The following FAM163B variants were observed in gnomAD, a reference collection of about 807,000 sequenced individuals.
FAM163B encodes the protein protein FAM163B.
A neutral mutation model predicts 7.6 loss-of-function variants in FAM163B; 4 were observed. That is an observed-to-expected ratio of 0.52 (90% CI 0.26 to 1.20). FAM163B has a LOEUF of 1.20. FAM163B is among the 50% of genes most tolerant of loss of function. The pLI, the probability that FAM163B is intolerant of heterozygous loss-of-function variation, is 0.14. For missense variants in FAM163B, 250 were observed against 243.0 expected (o/e 1.03, Z -0.19); for synonymous variants, 120 against 111.6 (o/e 1.07, Z -0.47).
chr9:133,603,903 G>A (rs1831759894), intron 1 of FAM163B, among the ~76,000 whole-genome samples: 1 of 152,206 alleles, frequency 6.6e-6, no homozygotes, highest in African/African-American at 2.4e-5. Flanking sequence ...GCAGTGGTGT[G>A]ATCTTGGCTC....
rs1032784615 is a variant in FAM163B, at chr9:133,600,941, G to A, written c.-24+8136C>T. Among the ~76,000 whole-genome samples, 3 of 151,980 alleles carry A rather than the reference G, an allele frequency of 2.0e-5. No individual in the cohort carries two copies. Among genetic ancestry groups the A allele is most frequent in the Non-Finnish European group, 2.9e-5 (2 of 68,002 alleles). On this transcript the variant is annotated intron_variant, in intron 1 of 2. Transcript: ENST00000673969. This position sits in a 1 kb window ranked among gnomAD's most constrained non-coding sequence, Gnocchi z 4.9. ...GGTAGGGGGGGAGCTTCATTGCCTC[G>A]AGTTCCTGGCTGAACTCCAGACATT...
At chr9:133,585,512 G>A (rs938957151) in intron 1 of FAM163B, among the ~76,000 whole-genome samples, 5 of 152,348 alleles carry the variant, frequency 3.3e-5, no homozygotes, top group South Asian at 2.1e-4. Flanking sequence ...GGGCCCAGGC[G>A]ACGCTTAATG....
intron 1 of FAM163B, among the ~76,000 whole-genome samples, chr9:133,593,756 C>T (rs1303515895): frequency 6.6e-6 from 1 of 152,270 alleles, no homozygotes; most frequent in Non-Finnish European, 1.5e-5. Flanking sequence ...CTGCCTCATC[C>T]TGGCCCAGGG....
chr9:133,579,233 C>A lies in FAM163B; in HGVS notation c.290G>T (p.Cys97Phe). 1.1e-5 allele frequency: 18 copies of A among 1,611,908 alleles called. No individual in the cohort carries two copies. The highest frequency in any genetic ancestry group is 1.5e-5 in the Non-Finnish European group (18 of 1,179,742). The stretch of plus-strand genomic sequence containing the variant: ...CTGCAGGAAGAAGGTGGGGGGCTCG[C>A]AGTGGGAGCAGCTGCGGCAGAGGGC... ...ARALCRSCSH[C>F]EPPTFFLQEP... Residue 97 changes from cysteine to phenylalanine, a missense_variant, in exon 3 of 3, where the codon TGC becomes TTC. Coordinates refer to ENST00000673969, the MANE Select transcript of FAM163B (RefSeq NM_001080515.3).
intron 1 of FAM163B, among the ~76,000 whole-genome samples, chr9:133,599,556 ATG>A (rs879306040): frequency 8.0e-5 from 12 of 149,650 alleles, no homozygotes; most frequent in South Asian, 2.1e-4. Flanking sequence ...GAGTGTGTGC[ATG>A]TGTTTCTGTG....
In FAM163B at chr9:133,606,722, G is replaced by A. The variant is rs1171851438; in HGVS notation, c.-24+2355C>T. 1.3e-5 allele frequency among the ~76,000 whole-genome samples: 2 copies of A among 152,240 alleles called. No homozygotes were observed. Among genetic ancestry groups the A allele is most frequent in the African/African-American group, 4.8e-5 (2 of 41,458 alleles). ...AAGTGGCGGTAGGGCCAGGAGCGGA[G>A]TGGAGGACAGAACAAGGGCTCGGCT... On this transcript the variant is annotated intron_variant, in intron 1 of 2. Transcript: ENST00000673969. The surrounding 1 kb of genome is among the most constrained non-coding windows in gnomAD (Gnocchi z 4.0).
chr9:133,588,611 GC>G (rs1193887331), intron 1 of FAM163B, among the ~76,000 whole-genome samples: 1 of 121,062 alleles, frequency 8.3e-6, no homozygotes, highest in Non-Finnish European at 1.8e-5. Context: ...GATCTAGGAT[GC>G]TGAAGGATCT....
chr9:133,585,259 A>G (rs1831417602), intron 1 of FAM163B, among the ~76,000 whole-genome samples: 1 of 152,202 alleles, frequency 6.6e-6, no homozygotes, highest in East Asian at 1.9e-4. Context: ...GCAGAGCCAG[A>G]CACGGGCCTC....
chr9:133,604,630 C>G (rs1003620160), intron 1 of FAM163B, among the ~76,000 whole-genome samples: 2 of 152,086 alleles, frequency 1.3e-5, no homozygotes, highest in Admixed American at 1.3e-4. Context: ...TTGCTTTATG[C>G]AAATAGAACC....
rs1015989335 is a variant in FAM163B, at chr9:133,583,835, C to T, written c.-23-3589G>A. Among the ~76,000 whole-genome samples, 191 of 152,366 alleles carry T rather than the reference C, an allele frequency of 1.3e-3. 1 individual carries two copies. The highest frequency in any genetic ancestry group is 4.3e-3 in the African/African-American group (177 of 41,584). On this transcript the variant is annotated intron_variant, in intron 1 of 2. Coordinates refer to ENST00000673969, the MANE Select transcript of FAM163B (RefSeq NM_001080515.3). ...CTCTCAGCCTCGCTCTGCAGATACA[C>T]GCCTGCCGAGGAGCAGCAACGCCCG...
rs1564197291 is a variant in FAM163B, at chr9:133,600,150, A to T, written c.-24+8927T>A. On this transcript the variant is annotated intron_variant, in intron 1 of 2. Coordinates refer to ENST00000673969, the MANE Select transcript of FAM163B (RefSeq NM_001080515.3). This position sits in a 1 kb window ranked among gnomAD's most constrained non-coding sequence, Gnocchi z 4.9. ...TGTGTCTGTGTGCGTGTGTGAATGT[A>T]TGTGTGCATGAGTGTGAGTCTGTGT... Among the ~76,000 whole-genome samples, 1 of 137,092 alleles carries T rather than the reference A, an allele frequency of 7.3e-6. No individual in the cohort carries two copies. Among genetic ancestry groups the T allele is most frequent in the Non-Finnish European group, 1.5e-5 (1 of 65,006 alleles). The allele number at this position is 137,092 out of a possible 152,430, so 89.9% of individuals were successfully genotyped here.
chr9:133,579,372 CG>C lies in FAM163B; in HGVS notation c.150del (p.Val51PhefsTer16). On this transcript the variant is annotated frameshift_variant, in exon 3 of 3. Transcript: ENST00000673969. LOFTEE classifies it high-confidence loss of function. Reference protein sequence around the residue: ...SEEDEEEPDFAVHSHLPPLHS... With the variant: ...SEEDEEEPDFXVHSHLPPLHS... ...TGCAGCGGGGGCAGGTGCGAGTGAA[CG>C]GCGAAGTCTGGTTCCTCCTCGTCCT... 6.2e-7 allele frequency: 1 copy of C among 1,611,958 alleles called. No individual in the cohort carries two copies. Among genetic ancestry groups the C allele is most frequent in the Non-Finnish European group, 8.5e-7 (1 of 1,179,442 alleles).
chr9:133,600,259 CTGTGTG>C lies in FAM163B; in HGVS notation c.-24+8812_-24+8817del, dbSNP rs3074996. ...CTGTGTGCATGTGTGTGAGTGTGGT[CTGTGTG>C]TGTGTGTGTGTGTGTGTGTGTGTGT... On this transcript the variant is annotated intron_variant, in intron 1 of 2. Transcript: ENST00000673969. This position sits in a 1 kb window ranked among gnomAD's most constrained non-coding sequence, Gnocchi z 4.9. 0.026 allele frequency among the ~76,000 whole-genome samples: 3,841 copies of C among 146,558 alleles called. 105 individuals carry two copies. Among genetic ancestry groups the C allele is most frequent in the African/African-American group, 0.058 (2,295 of 39,910 alleles).
intron 1 of FAM163B, among the ~76,000 whole-genome samples, chr9:133,590,131 TCCCCTC>T (rs1183843742): frequency 0.088 from 2,565 of 29,048 alleles, 399 homozygotes; most frequent in African/African-American, 0.2. Flanking sequence ...CCCCTCCCCT[TCCCCTC>T]CCCTTCCCCT....
intron 1 of FAM163B, among the ~76,000 whole-genome samples, chr9:133,598,873 G>A (rs1347982014): frequency 1.3e-5 from 2 of 152,134 alleles, no homozygotes; most frequent in African/African-American, 4.8e-5. Flanking sequence ...CTGTCCCCCA[G>A]GGCTCCTTTC....
In FAM163B at chr9:133,579,078, G is replaced by C. The variant is rs1323947847; in HGVS notation, c.445C>G (p.Leu149Val). The C allele has an allele frequency of 1.9e-6, 3 of 1,587,010 alleles. No individual in the cohort carries two copies. The highest frequency in any genetic ancestry group is 2.3e-5 in the East Asian group (1 of 44,322). ...GCGAAGGCCTCCCGCATGGCTGAGAGGCGGTTGGGGTTGAGCGCCTGCAGG... is the reference window on the plus strand; with the variant it reads ...GCGAAGGCCTCCCGCATGGCTGAGACGCGGTTGGGGTTGAGCGCCTGCAGG... ...GGLQALNPNR[L>V]SAMREAFARS... The change falls in exon 3 of 3, where the codon CTC (leucine) becomes GTC (valine). Residue 149 changes from leucine to valine, a missense_variant. By Grantham distance (32) the Leu-to-Val change is conservative. Transcript: ENST00000673969.
chr9:133,587,974 G>A (rs1244354698), intron 1 of FAM163B, among the ~76,000 whole-genome samples: 4 of 149,602 alleles, frequency 2.7e-5, no homozygotes, highest in Non-Finnish European at 5.9e-5. Context: ...CGAACGGGGG[G>A]CGAGCCTGGG....
intron 1 of FAM163B, among the ~76,000 whole-genome samples, chr9:133,593,529 C>T (rs1032734806): frequency 3.3e-5 from 5 of 152,224 alleles, no homozygotes; most frequent in African/African-American, 4.8e-5. Flanking sequence ...CTCCCAGCCC[C>T]GGACACCTCT....
intron 1 of FAM163B, among the ~76,000 whole-genome samples, chr9:133,587,436 ACT>A (rs889513564): frequency 6.6e-6 from 1 of 152,154 alleles, no homozygotes; most frequent in Non-Finnish European, 1.5e-5. Flanking sequence ...CCAGGAAGTC[ACT>A]GTCTGCCAAC....
Sources: gnomAD v4.1 joint callset for allele counts (sites outside exome capture counted in the v4.1 genomes callset) on GRCh38, gnomAD v4.1.1 for gene constraint, Gnocchi (gnomAD v3.1) non-coding constraint, MANE v1.5 for transcripts, NCBI Gene and HGNC (gene_info 2026-07-23, HGNC 2026-07-21) for gene names.